Variants in RPTOR observed in about 807,000 individuals in gnomAD.
RPTOR encodes the protein regulatory-associated protein of mTOR.
In RPTOR, 21 loss-of-function variants were observed where a neutral mutation model predicts 169.9. That is an observed-to-expected ratio of 0.12 (90% CI 0.09 to 0.18). RPTOR has a LOEUF of 0.18. RPTOR is among the 10% of genes least tolerant of loss of function. The pLI, the probability that RPTOR is intolerant of heterozygous loss-of-function variation, is 1.00. For synonymous variants in RPTOR, 732 were observed against 753.2 expected (o/e 0.97, Z 0.46); for missense variants, 1,133 against 1,855.9 (o/e 0.61, Z 7.16).
chr17:80,925,618 T>C (rs1483205277), intron 24 of RPTOR, 138 bp downstream of exon 24: 2 of 678,464 alleles, frequency 2.9e-6, no homozygotes, highest in Middle Eastern at 3.6e-4. Context: ...ACGGTTGAGG[T>C]AGAACCGCAG....
At chr17:80,903,395 G>A (rs1567978237) in intron 20 of RPTOR, among the ~76,000 whole-genome samples, 1 of 152,222 alleles carries the variant, frequency 6.6e-6, no homozygotes, top group Non-Finnish European at 1.5e-5. Flanking sequence ...CCAGAAACTG[G>A]GGCACTGCCC....
chr17:80,851,528 G>A (rs1413871840), intron 11 of RPTOR, among the ~76,000 whole-genome samples: 3 of 152,012 alleles, frequency 2.0e-5, no homozygotes, highest in South Asian at 2.1e-4. Context: ...TAACCTTTCC[G>A]CCAATACTCT....
intron 1 of RPTOR, among the ~76,000 whole-genome samples, chr17:80,612,178 A>G (rs1567819570): frequency 6.6e-6 from 1 of 152,224 alleles, no homozygotes; most frequent in East Asian, 1.9e-4. Flanking sequence ...CACCCAGGCT[A>G]GAGTACAATG....
At chr17:80,634,274 C>CATACCGTGTGTGTGCGTACTGTGTGTGT (rs1567830446) in intron 2 of RPTOR, among the ~76,000 whole-genome samples, 3 of 123,226 alleles carry the variant, frequency 2.4e-5, no homozygotes, top group African/African-American at 1.0e-4. Flanking sequence ...CGTGTGTGTG[C>CATACCGTGTGTGTGCGTACTGTGTGTGT]GTACTGTGTG....
chr17:80,741,852 C>A (rs1432715908), intron 5 of RPTOR, among the ~76,000 whole-genome samples: 1 of 151,954 alleles, frequency 6.6e-6, no homozygotes, highest in Non-Finnish European at 1.5e-5. Flanking sequence ...TGTGTAGAGT[C>A]TGGGAAAAGG....
intron 21 of RPTOR, among the ~76,000 whole-genome samples, chr17:80,921,764 C>A (rs2068747514): frequency 6.6e-6 from 1 of 152,158 alleles, no homozygotes; most frequent in African/African-American, 2.4e-5. Flanking sequence ...TCATGCTGCC[C>A]ACTAGGCTGT....
chr17:80,832,869 G>A (rs1307539273), intron 9 of RPTOR, among the ~76,000 whole-genome samples: 1 of 152,226 alleles, frequency 6.6e-6, no homozygotes, highest in East Asian at 1.9e-4. Flanking sequence ...GTGATGGAGA[G>A]GTTGAATTTT....
intron 4 of RPTOR, among the ~76,000 whole-genome samples, chr17:80,715,276 A>G (rs2066230188): frequency 1.3e-5 from 2 of 152,236 alleles, no homozygotes; most frequent in South Asian, 2.1e-4. Context: ...CACATATCCT[A>G]TAAGCATTAA....
chr17:80,591,318 TTTTC>T (rs2065105814), intron 1 of RPTOR, among the ~76,000 whole-genome samples: 1 of 144,314 alleles, frequency 6.9e-6, no homozygotes, highest in African/African-American at 2.6e-5. Context: ...TCCTTCTTTC[TTTTC>T]TTTCTCTCCT....
rs2069430178 is a variant in RPTOR, at chr17:80,966,218, A to G, written c.*1888A>G. 4.3e-6 allele frequency: 1 copy of G among 230,368 alleles called. No homozygotes were observed. Among genetic ancestry groups the G allele is most frequent in the South Asian group, 1.8e-4 (1 of 5,508 alleles). The allele number at this position is 230,368 out of a possible 1,614,324, so 14.3% of individuals were successfully genotyped here. Reference sequence around the variant, plus strand: ...ACAGGTCTGATGTGAAAATTCAATCACGACGTTAACCGGCTCGAGAGAGCG... The same window carrying G: ...ACAGGTCTGATGTGAAAATTCAATCGCGACGTTAACCGGCTCGAGAGAGCG... On this transcript the variant is annotated 3_prime_UTR_variant, in exon 34 of 34. Transcript: ENST00000306801.
At chr17:80,752,307 G>C (rs1292802329) in intron 5 of RPTOR, among the ~76,000 whole-genome samples, 1 of 152,226 alleles carries the variant, frequency 6.6e-6, no homozygotes, top group Non-Finnish European at 1.5e-5. Context: ...GGGCCCATGG[G>C]GCCTCCCTTC....
intron 21 of RPTOR, among the ~76,000 whole-genome samples, chr17:80,920,267 G>T (rs966626646): frequency 6.6e-6 from 1 of 152,192 alleles, no homozygotes; most frequent in Non-Finnish European, 1.5e-5. Flanking sequence ...CACACCCAGC[G>T]CAATCAACGC....
chr17:80,846,481 G>A lies in RPTOR; in HGVS notation c.1221G>A (p.Pro407=), dbSNP rs759436554. Residue 407 remains proline (P), a synonymous_variant, in exon 11 of 34, where the codon CCG becomes CCA. Coordinates refer to ENST00000306801, the MANE Select transcript of RPTOR (RefSeq NM_020761.3). ...IEEGTAFRHS[P]FFAEQLTAFQ... is the part of the protein sequence containing the mutation. Reference sequence around the variant, plus strand: ...TTCTGCTTGCCCCGCAGCACAGCCCGTTCTTCGCCGAGCAGCTGACCGCAT... The same window carrying A: ...TTCTGCTTGCCCCGCAGCACAGCCCATTCTTCGCCGAGCAGCTGACCGCAT... The A allele has an allele frequency of 1.1e-5, 18 of 1,613,956 alleles. No individual in the cohort carries two copies. Among genetic ancestry groups the A allele is most frequent in the South Asian group, 4.4e-5 (4 of 91,090 alleles).
At chr17:80,794,697 C>G (rs1247364910) in intron 7 of RPTOR, among the ~76,000 whole-genome samples, 1 of 152,230 alleles carries the variant, frequency 6.6e-6, no homozygotes, top group East Asian at 1.9e-4. Flanking sequence ...GACTGTGGTG[C>G]ATCCGTATGA....
intron 1 of RPTOR, among the ~76,000 whole-genome samples, chr17:80,573,237 A>G (rs2064926365): frequency 1.3e-5 from 2 of 152,196 alleles, no homozygotes; most frequent in African/African-American, 4.8e-5. Context: ...TGTCTTGGCT[A>G]TTCTTGTTCT....
At chr17:80,900,341 C>T (rs7222906) in intron 20 of RPTOR, among the ~76,000 whole-genome samples, 124,872 of 150,586 alleles carry the variant, frequency 0.83, 52,079 homozygotes, top group African/African-American at 0.92. Context: ...CCTTTTTTTT[C>T]TGAGATGGAG....
chr17:80,554,585 A>T (rs2084383050), intron 1 of RPTOR, among the ~76,000 whole-genome samples: 1 of 152,094 alleles, frequency 6.6e-6, no homozygotes, highest in Admixed American at 6.5e-5. Flanking sequence ...CTACTAAAAA[A>T]TACCAAAAAT....
intron 28 of RPTOR, among the ~76,000 whole-genome samples, chr17:80,956,599 A>G (rs1489050130): frequency 6.6e-6 from 1 of 152,280 alleles, no homozygotes; most frequent in Non-Finnish European, 1.5e-5. Flanking sequence ...TCAAGCCTTA[A>G]CAGCCTTCCT....
chr17:80,788,294 A>G (rs966324124), intron 6 of RPTOR, among the ~76,000 whole-genome samples: 4 of 152,106 alleles, frequency 2.6e-5, no homozygotes, highest in African/African-American at 9.7e-5. Context: ...CCAACATGGC[A>G]AAACCCCACA....
Sources: gnomAD v4.1 joint callset for allele counts (sites outside exome capture counted in the v4.1 genomes callset) on GRCh38, gnomAD v4.1.1 for gene constraint, MANE v1.5 for transcripts, NCBI Gene and HGNC (gene_info 2026-07-23, HGNC 2026-07-21) for gene names.